The following AEN variants were observed in gnomAD, a reference collection of about 807,000 sequenced individuals.
The protein encoded by AEN is apoptosis-enhancing nuclease.
AEN carries 21 observed loss-of-function variants against 17.7 expected under a neutral mutation model. The ratio of observed to expected loss-of-function variants is 1.19; its 90% CI spans 0.84 to 1.71. AEN has a LOEUF of 1.71. Among genes scored for constraint, AEN ranks in the 40% most tolerant of loss-of-function variants. The pLI is 0.00. For synonymous variants in AEN, 190 were observed against 173.0 expected, an observed-to-expected ratio of 1.10 and a Z score of -0.77; for missense variants, 462 against 435.9, an observed-to-expected ratio of 1.06 and a Z score of -0.53.
chr15:88,618,967 T>G (rs143350387), upstream of AEN, among the ~76,000 whole-genome samples: 2 of 152,228 alleles, frequency 1.3e-5, no homozygotes, highest in African/African-American at 4.8e-5. Flanking sequence ...CCTCCACATT[T>G]ATTTATTTTT....
the AEN span, among the ~76,000 whole-genome samples, chr15:88,614,188 C>T: frequency 6.6e-6 from 1 of 152,064 alleles, no homozygotes; most frequent in Non-Finnish European, 1.5e-5. Context: ...AGACAATTTA[C>T]TACTGTTTTT....
At chr15:88,606,224 C>T in the AEN span, among the ~76,000 whole-genome samples, 1 of 152,150 alleles carries the variant, frequency 6.6e-6, no homozygotes, top group South Asian at 2.1e-4. Context: ...TCGCTCTCTC[C>T]CCCTTCCTTT....
chr15:88,629,164 GTGTC>G, intron 2 of AEN, 58 bp from the exon 3 acceptor site: 3 of 1,544,322 alleles, frequency 1.9e-6, no homozygotes, highest in Non-Finnish European at 2.7e-6. Flanking sequence ...TTCTCAGGGC[GTGTC>G]TCCTGCCAAC....
At chr15:88,622,632 C>A (rs1567101848) in intron 1 of AEN, among the ~76,000 whole-genome samples, 2 of 152,136 alleles carry the variant, frequency 1.3e-5, no homozygotes, top group Admixed American at 1.3e-4. Flanking sequence ...CAGAACAGAA[C>A]AGAACAAGAG....
At chr15:88,607,832 G>A in the AEN span, among the ~76,000 whole-genome samples, 13 of 152,100 alleles carry the variant, frequency 8.5e-5, no homozygotes, top group East Asian at 1.4e-3. Flanking sequence ...ATAGTTTTGC[G>A]GGTATTTACA....
intron 2 of AEN, chr15:88,627,914 C>A (rs1031452905): frequency 6.6e-6 from 1 of 152,090 alleles, no homozygotes; most frequent in Non-Finnish European, 1.5e-5. Context: ...TTTAACACTT[C>A]TGGGTTATTC....
rs1227894299 is a variant in AEN, at chr15:88,626,341, G to T, written c.132G>T (p.Lys44Asn). The T allele has an allele frequency of 2.5e-6, 4 of 1,613,446 alleles. No homozygotes were observed. The East Asian group carries it at 6.7e-5, about 27-fold the overall frequency. Reference sequence around the variant, plus strand: ...AGCACCAGCGGTTCATGGCCCGGAAGGCCTTGCTGCAGGAGCAGGGGCTGC... The same window carrying T: ...AGCACCAGCGGTTCATGGCCCGGAATGCCTTGCTGCAGGAGCAGGGGCTGC... Reference protein sequence around the residue: ...SRQHQRFMARKALLQEQGLLS... With the variant: ...SRQHQRFMARNALLQEQGLLS... Residue 44 changes from lysine to asparagine, a missense_variant, in exon 2 of 4, where the codon AAG (lysine) becomes AAT (asparagine). Physicochemically the swap from Lys to Asn is moderately conservative, Grantham distance 94. Transcript: ENST00000332810.
At chr15:88,622,112 C>T (rs532121616) in intron 1 of AEN, among the ~76,000 whole-genome samples, 4 of 152,290 alleles carry the variant, frequency 2.6e-5, no homozygotes, top group South Asian at 2.1e-4. Flanking sequence ...GTTGGTGGCT[C>T]TCATGCCACC....
At chr15:88,620,550 G>A (rs1252841971), upstream of AEN, among the ~76,000 whole-genome samples, 3 of 150,526 alleles carry the variant, frequency 2.0e-5, no homozygotes, top group Non-Finnish European at 4.4e-5. Context: ...GAGTAGCTGG[G>A]ATTACAGGCT....
chr15:88,607,851 C>T, the AEN span, among the ~76,000 whole-genome samples: 1 of 152,172 alleles, frequency 6.6e-6, no homozygotes, highest in Admixed American at 6.5e-5. Flanking sequence ...CATTAAAATG[C>T]TTTTAAAATG....
chr15:88,605,638 G>A, the AEN span, among the ~76,000 whole-genome samples: 2 of 152,210 alleles, frequency 1.3e-5, no homozygotes, highest in Non-Finnish European at 2.9e-5. This position sits in a 1 kb window ranked among gnomAD's most constrained non-coding sequence, Gnocchi z 7.6. Flanking sequence ...TTGCGCCCTG[G>A]GAGAGCCCTA....
upstream of AEN, among the ~76,000 whole-genome samples, chr15:88,619,949 C>G (rs1340712587): frequency 2.0e-5 from 3 of 152,130 alleles, no homozygotes; most frequent in Non-Finnish European, 4.4e-5. Flanking sequence ...TCATCCATTC[C>G]TCTCTATGCT....
At chr15:88,619,307 TGAG>T (rs202031332), upstream of AEN, among the ~76,000 whole-genome samples, 1,975 of 152,220 alleles carry the variant, frequency 0.013, 34 homozygotes, top group African/African-American at 0.039. Flanking sequence ...TGGTTACACA[TGAG>T]GAGAGGGAAG....
chr15:88,607,274 A>G, the AEN span, among the ~76,000 whole-genome samples: 1,476 of 152,314 alleles, frequency 9.7e-3, 28 homozygotes, highest in South Asian at 0.043. Flanking sequence ...ATAATTAGCA[A>G]ATACAGCACC....
chr15:88,607,901 C>G, the AEN span, among the ~76,000 whole-genome samples: 1 of 152,098 alleles, frequency 6.6e-6, no homozygotes, highest in East Asian at 1.9e-4. Context: ...TCCCTTTAGA[C>G]CAGACCAGAC....
At chr15:88,614,409 C>T in the AEN span, among the ~76,000 whole-genome samples, 3 of 152,160 alleles carry the variant, frequency 2.0e-5, no homozygotes, top group African/African-American at 4.8e-5. Context: ...CTGTGTTGCT[C>T]AGGCTGGTCT....
rs772977616 is a variant in AEN, at chr15:88,626,186, G to T, written c.-24G>T. 2 of 1,546,142 alleles carry T rather than the reference G, an allele frequency of 1.3e-6. No individual in the cohort carries two copies. The highest frequency in any genetic ancestry group is 2.0e-5 in the Admixed American group (1 of 50,992). On this transcript the variant is annotated 5_prime_UTR_variant, in exon 2 of 4. Transcript: ENST00000332810. ...GAAGATTACTCCCCAGGCTTCCCTT[G>T]CCCCAAGCAGTGAGCTGACTGGAAT...
Position 88,630,869 on chromosome 15 carries a change from C to T in AEN, c.*575C>T. 1.1e-5 allele frequency: 3 copies of T among 280,082 alleles called. No individual in the cohort carries two copies. The highest frequency in any genetic ancestry group is 8.3e-5 in the East Asian group (1 of 12,112). 17.3% of individuals were successfully genotyped at this position (280,082 alleles called of 1,614,324 possible). On this transcript the variant is annotated 3_prime_UTR_variant, in exon 4 of 4. Coordinates refer to ENST00000332810, the MANE Select transcript of AEN (RefSeq NM_022767.4). The surrounding 1 kb of genome is among the most constrained non-coding windows in gnomAD (Gnocchi z 5.1). ...TAAAGGAGGCATTTCTTCCCCACCT[C>T]CCTGACCTGGAACTCTGGCTACAGC...
Position 88,630,707 on chromosome 15 carries a change from G to A in AEN, c.*413G>A, listed in dbSNP as rs67426590. ...TCCTCTCTGGGGATGGTGGGTGGGG[G>A]TGTCAATATCCTGGAGCTCCCTTAC... On this transcript the variant is annotated 3_prime_UTR_variant, in exon 4 of 4. Coordinates refer to ENST00000332810, the MANE Select transcript of AEN (RefSeq NM_022767.4). This position sits in a 1 kb window ranked among gnomAD's most constrained non-coding sequence, Gnocchi z 5.1. The A allele has an allele frequency of 0.1, 22,205 of 222,298 alleles. 1,214 individuals carry two copies. The highest frequency in any genetic ancestry group is 0.13 in the Middle Eastern group (67 of 528). The allele number at this position is 222,298 out of a possible 1,614,324, so 13.8% of individuals were successfully genotyped here.
Sources: gnomAD v4.1 joint callset for allele counts (sites outside exome capture counted in the v4.1 genomes callset) on GRCh38, gnomAD v4.1.1 for gene constraint, Gnocchi (gnomAD v3.1) non-coding constraint, MANE v1.5 for transcripts, NCBI Gene and HGNC (gene_info 2026-07-23, HGNC 2026-07-21) for gene names.